The following PCDH11X variants were observed in gnomAD, a reference collection of about 807,000 sequenced individuals.
The protein encoded by PCDH11X is protocadherin-11 X-linked.
PCDH11X carries 18 observed loss-of-function variants against 53.3 expected under a neutral mutation model. The ratio of observed to expected loss-of-function variants is 0.34; its 90% confidence interval spans 0.23 to 0.50. The LOEUF (loss-of-function observed/expected upper bound fraction) is 0.50. Among genes scored for constraint, PCDH11X ranks in the 20% least tolerant of loss-of-function variants. The probability of loss-of-function intolerance (pLI) is 0.98; values close to 1 mark genes in which losing one functional copy is unlikely to be tolerated. For missense variants in PCDH11X, 570 were observed against 1,032.4 expected, an observed-to-expected ratio of 0.55 and a Z score of 6.14; for synonymous variants, 279 against 393.3, an observed-to-expected ratio of 0.71 and a Z score of 3.44.
intron 10 of PCDH11X, among the ~76,000 whole-genome samples, chrX:92,510,314 AG>A (rs942664578): frequency 1.1e-5 from 1 of 91,514 alleles, no homozygotes; most frequent in Non-Finnish European, 2.2e-5. Flanking sequence ...CCTCTTCTTG[AG>A]TAGCAACTTG....
chrX:91,836,688 T>C (rs1937314918), intron 5 of PCDH11X, among the ~76,000 whole-genome samples: 1 of 111,480 alleles, frequency 9.0e-6, no homozygotes. Flanking sequence ...AAACAGAGTG[T>C]TCATTTGTTG....
chrX:91,900,533 C>T (rs1377234572), intron 6 of PCDH11X, among the ~76,000 whole-genome samples: 1 of 108,863 alleles, frequency 9.2e-6, no homozygotes, highest in Non-Finnish European at 1.9e-5. Flanking sequence ...TTTGCCCCAT[C>T]CCTGTAAGGC....
intron 6 of PCDH11X, among the ~76,000 whole-genome samples, chrX:92,121,927 T>C (rs1367840390): frequency 9.3e-6 from 1 of 107,640 alleles, no homozygotes; most frequent in Non-Finnish European, 1.9e-5. Context: ...GGTTTCACCA[T>C]GTTGAGCAAC....
chrX:92,468,024 T>G (rs1422433341), intron 9 of PCDH11X, among the ~76,000 whole-genome samples: 1 of 111,617 alleles, frequency 9.0e-6, no homozygotes, highest in Admixed American at 9.5e-5. Context: ...TTACGTTTAA[T>G]AACACATTTC....
intron 10 of PCDH11X, among the ~76,000 whole-genome samples, chrX:92,568,399 G>T (rs2148770513): frequency 9.3e-6 from 1 of 107,333 alleles, no homozygotes; most frequent in African/African-American, 3.4e-5. Context: ...TCCAGCCTGG[G>T]TGACAGAGTG....
intron 8 of PCDH11X, among the ~76,000 whole-genome samples, chrX:92,327,397 G>C (rs965500368): frequency 2.1e-4 from 20 of 96,158 alleles, no homozygotes; most frequent in Non-Finnish European, 3.9e-4. Flanking sequence ...CACTTGGGCA[G>C]TCTAGTTGAT....
chrX:92,617,448 C>T lies in PCDH11X; in HGVS notation c.3368-816C>T, dbSNP rs578227624. Among the ~76,000 whole-genome samples the T allele has an allele frequency of 7.8e-4, 87 of 111,348 alleles. No individual in the cohort carries two copies. The South Asian group carries it at 0.011, about 14-fold the overall frequency. Reference sequence around the variant, plus strand: ...CATACACACAGGATTGATACGTCTTCGTAGAGAATTGATCTTTTTATTGTC... The same window carrying T: ...CATACACACAGGATTGATACGTCTTTGTAGAGAATTGATCTTTTTATTGTC... On this transcript the variant is annotated intron_variant, in intron 10 of 10. Transcript: ENST00000682573.
chrX:92,600,570 C>A (rs2148807101), intron 10 of PCDH11X, among the ~76,000 whole-genome samples: 1 of 110,776 alleles, frequency 9.0e-6, no homozygotes, highest in African/African-American at 3.3e-5. Flanking sequence ...CCTGGGTGTC[C>A]AGGCAGAGTT....
chrX:92,296,028 GC>G (rs770973442), intron 8 of PCDH11X, among the ~76,000 whole-genome samples: 22 of 109,162 alleles, frequency 2.0e-4, no homozygotes, highest in Non-Finnish European at 9.5e-5. Context: ...GTTGCAGTGA[GC>G]CGAGATCGTG....
At chrX:92,489,098 G>A (rs2073705206) in intron 10 of PCDH11X, among the ~76,000 whole-genome samples, 2 of 104,057 alleles carry the variant, frequency 1.9e-5, no homozygotes, top group African/African-American at 7.1e-5. Context: ...TATCCATTCT[G>A]ATGACTTCTA....
intron 6 of PCDH11X, among the ~76,000 whole-genome samples, chrX:92,014,658 G>A (rs908569981): frequency 9.0e-6 from 1 of 111,686 alleles, no homozygotes; most frequent in Non-Finnish European, 1.9e-5. Flanking sequence ...ATGATAGACT[G>A]GATTAAGAAA....
rs186827817 is a variant in PCDH11X at position 92,499,787 on chromosome X, A to C, written c.3367+31465A>C. Among the ~76,000 whole-genome samples the C allele has an allele frequency of 1.6e-3, 170 of 106,421 alleles. 2 individuals carry two copies. Among genetic ancestry groups the C allele is most frequent in the Middle Eastern group, 4.9e-3 (1 of 204 alleles). The allele number at this position is 106,421 out of a possible 115,157, so 92.4% of individuals were successfully genotyped here. A position where few individuals can be genotyped will look rare whatever the true frequency, so the allele number is the denominator to read the frequency against. ...GTCGAGGCTGCAGTGAGCCATGATT[A>C]TGCCAGTGCACTCCAGCCTGGGTGA... On this transcript the variant is annotated intron_variant, in intron 10 of 10. Transcript: ENST00000682573.
intron 6 of PCDH11X, among the ~76,000 whole-genome samples, chrX:92,124,544 TAAAAAAA>T: frequency 1.1e-5 from 1 of 94,383 alleles, no homozygotes; most frequent in South Asian, 5.0e-4. Flanking sequence ...AAACTCCATT[TAAAAAAA>T]AAAAAAAAAT....
chrX:92,147,858 C>CTTTCTTTCTT (rs1201059846), intron 6 of PCDH11X, among the ~76,000 whole-genome samples: 1 of 26,520 alleles, frequency 3.8e-5, no homozygotes, highest in Non-Finnish European at 7.5e-5. Flanking sequence ...TTTCTTTTTT[C>CTTTCTTTCTT]TTTTCTCTCT....
chrX:92,120,933 C>T (rs34740370), intron 6 of PCDH11X, among the ~76,000 whole-genome samples: 1 of 111,120 alleles, frequency 9.0e-6, no homozygotes, highest in African/African-American at 3.3e-5. Flanking sequence ...TTTTAGAGGT[C>T]TGGCAGATAT....
intron 7 of PCDH11X, among the ~76,000 whole-genome samples, chrX:92,249,182 A>T (rs1007503265): frequency 9.0e-6 from 1 of 111,308 alleles, no homozygotes; most frequent in African/African-American, 3.3e-5. Context: ...AACAGTATTG[A>T]AGCTATTACA....
chrX:92,259,662 C>T (rs971907905), intron 7 of PCDH11X, among the ~76,000 whole-genome samples: 8 of 111,304 alleles, frequency 7.2e-5, no homozygotes, highest in African/African-American at 2.6e-4. Flanking sequence ...AGATCCAAAC[C>T]ATATCACCTT....
At chrX:91,853,452 G>A (rs1938148059) in intron 5 of PCDH11X, among the ~76,000 whole-genome samples, 1 of 108,452 alleles carries the variant, frequency 9.2e-6, no homozygotes, top group Non-Finnish European at 1.9e-5. Context: ...TGAGAAAATT[G>A]ATACATATGA....
In PCDH11X at chrX:92,303,003, C is replaced by G. The variant is rs939942180; in HGVS notation, c.3144+39860C>G. Among the ~76,000 whole-genome samples the G allele has an allele frequency of 3.7e-5, 4 of 107,072 alleles. No homozygotes were observed. In the East Asian group the frequency reaches 8.9e-4, roughly 24 times the overall value. The allele number at this position is 107,072 out of a possible 115,157, so 93.0% of individuals were successfully genotyped here. On this transcript the variant is annotated intron_variant, in intron 8 of 10. Coordinates refer to ENST00000682573, the MANE Select transcript of PCDH11X (RefSeq NM_032968.5). ...CTAGTGGAATACATAAGGAGAGAAA[C>G]AAACTCGAAGCAGAATGTAATTACT...
Sources: gnomAD v4.1 joint callset for allele counts (sites outside exome capture counted in the v4.1 genomes callset) on GRCh38, gnomAD v4.1.1 for gene constraint, MANE v1.5 for transcripts, NCBI Gene and HGNC (gene_info 2026-07-23, HGNC 2026-07-21) for gene names.